Variants in SH3RF2 observed in about 807,000 individuals in gnomAD.
SH3RF2 encodes E3 ubiquitin-protein ligase SH3RF2.
In SH3RF2, 43 loss-of-function variants were observed where a neutral mutation model predicts 59.0. That is an observed-to-expected ratio of 0.73 (90% CI 0.57 to 0.94). The LOEUF (loss-of-function observed/expected upper bound fraction) is 0.94, where lower values mean the gene tolerates loss of function less well. Among genes scored for constraint, SH3RF2 ranks in the 40% least tolerant of loss-of-function variants. The pLI is 0.00. For missense variants in SH3RF2, 930 were observed against 940.1 expected, an observed-to-expected ratio of 0.99 and a Z score of 0.14; for synonymous variants, 391 against 391.5, an observed-to-expected ratio of 1.00 and a Z score of 0.01.
At chr5:146,013,517 G>A (rs1760987362) in intron 4 of SH3RF2, among the ~76,000 whole-genome samples, 1 of 152,188 alleles carries the variant, frequency 6.6e-6, no homozygotes, top group Non-Finnish European at 1.5e-5. Context: ...CTCAGTAAAA[G>A]AGTAATACTT....
At chr5:146,008,095 A>G (rs1192539543) in intron 4 of SH3RF2, among the ~76,000 whole-genome samples, 2 of 152,218 alleles carry the variant, frequency 1.3e-5, no homozygotes, top group Admixed American at 1.3e-4. Flanking sequence ...ACCCGCATTA[A>G]AAGGTGATAA....
At chr5:146,060,479 C>CTATATATATATATAA (rs1762849321) in intron 9 of SH3RF2, among the ~76,000 whole-genome samples, 1 of 151,932 alleles carries the variant, frequency 6.6e-6, no homozygotes, top group Non-Finnish European at 1.5e-5. Flanking sequence ...TTTTGAGGCC[C>CTATATATATATATAA]AAAAGTGGCT....
At chr5:145,948,419 A>G (rs937801458) in intron 2 of SH3RF2, among the ~76,000 whole-genome samples, 3 of 152,222 alleles carry the variant, frequency 2.0e-5, no homozygotes, top group Admixed American at 6.5e-5. Flanking sequence ...TGGCCCCAAC[A>G]CCGCTCGCTT....
intron 2 of SH3RF2, among the ~76,000 whole-genome samples, chr5:145,963,944 T>C (rs1417609384): frequency 1.3e-5 from 2 of 151,626 alleles, no homozygotes; most frequent in East Asian, 3.9e-4. Context: ...GCCATTCTCC[T>C]GCCTCAGCCT....
chr5:145,993,439 C>G (rs1038337892), intron 2 of SH3RF2, among the ~76,000 whole-genome samples: 1 of 152,222 alleles, frequency 6.6e-6, no homozygotes, highest in African/African-American at 2.4e-5. Context: ...ATTGCCCTAG[C>G]AGAGGTTCTC....
At chr5:146,072,652 A>G (rs147550602) in intron 9 of SH3RF2, among the ~76,000 whole-genome samples, 1,919 of 152,274 alleles carry the variant, frequency 0.013, 33 homozygotes, top group African/African-American at 0.042. Flanking sequence ...GCCTGGCAAC[A>G]GAGTGAGACT....
chr5:146,064,785 AAGG>A (rs1289319940), downstream of SH3RF2, among the ~76,000 whole-genome samples: 72 of 11,060 alleles, frequency 6.5e-3, 4 homozygotes, highest in African/African-American at 0.018. Flanking sequence ...GAAAGGAAGG[AAGG>A]AAGGAAGGAA....
At chr5:146,035,707 A>G (rs1761913423) in intron 5 of SH3RF2, among the ~76,000 whole-genome samples, 1 of 152,186 alleles carries the variant, frequency 6.6e-6, no homozygotes, top group African/African-American at 2.4e-5. Context: ...TATCTCCACC[A>G]TAAAAAGCTA....
At chr5:145,958,239 A>G (rs1442022079) in intron 2 of SH3RF2, among the ~76,000 whole-genome samples, 2 of 152,204 alleles carry the variant, frequency 1.3e-5, no homozygotes, top group Non-Finnish European at 2.9e-5. Flanking sequence ...CGTAACATCT[A>G]CTTCAGATGG....
intron 5 of SH3RF2, among the ~76,000 whole-genome samples, chr5:146,024,272 A>G (rs1486908916): frequency 6.6e-6 from 1 of 152,186 alleles, no homozygotes; most frequent in East Asian, 1.9e-4. Context: ...TATTGCAGCC[A>G]TCCAATTGGG....
chr5:145,938,034 T>C lies in SH3RF2; in HGVS notation c.106T>C (p.Cys36Arg), dbSNP rs144648651. 62 of 1,614,198 alleles carry C rather than the reference T, an allele frequency of 3.8e-5. No individual in the cohort carries two copies. The highest frequency in any genetic ancestry group is 1.6e-4 in the African/African-American group (12 of 75,048). ...LPCQHTFCKP[C>R]LQRVFKAHKE... The stretch of plus-strand genomic sequence containing the variant: ...TTGCCAGCACACCTTCTGCAAACCA[T>C]GTCTACAGAGGGTTTTCAAGGCCCA... Residue 36 changes from cysteine (C) to arginine (R), a missense_variant, in exon 2 of 10, where the codon TGT (cysteine) becomes CGT (arginine). Physicochemically the swap from Cys to Arg is radical, Grantham distance 180. Transcript: ENST00000359120.
At chr5:146,010,120 C>G (rs1034907731) in intron 4 of SH3RF2, among the ~76,000 whole-genome samples, 6 of 151,432 alleles carry the variant, frequency 4.0e-5, no homozygotes, top group African/African-American at 1.5e-4. Context: ...TGAGTGAGAA[C>G]ATGCGGTGTT....
rs1013610108 is a variant in SH3RF2, at chr5:146,000,304, C to G, written c.625C>G (p.Gln209Glu). 1.9e-6 allele frequency: 3 copies of G among 1,613,416 alleles called. No homozygotes were observed. Among genetic ancestry groups the G allele is most frequent in the Admixed American group, 1.7e-5 (1 of 59,934 alleles). The stretch of plus-strand genomic sequence containing the variant: ...ACGAGGCAAGGACAAGAGTGAGAAC[C>G]AGGATTGCCTGACCTTCCTCAAGGT... Reference protein sequence around the residue: ...DLRGKDKSENQDCLTFLKDDI... With the variant: ...DLRGKDKSENEDCLTFLKDDI... The change falls in exon 3 of 10, where the codon CAG becomes GAG. Residue 209 changes from glutamine to glutamate, a missense_variant. Gln to Glu is a conservative substitution (Grantham distance 29). Transcript: ENST00000359120.
At chr5:145,967,785 G>T (rs1758914426) in intron 2 of SH3RF2, among the ~76,000 whole-genome samples, 1 of 152,024 alleles carries the variant, frequency 6.6e-6, no homozygotes, top group Admixed American at 6.5e-5. Context: ...TCAGCATCCT[G>T]AGTAGCTGGG....
Position 146,049,108 on chromosome 5 carries a change from A to ACTCAG in SH3RF2, c.1186_1187insTCAGC (p.Pro396LeufsTer98). 2 of 1,613,842 alleles carry ACTCAG rather than the reference A, an allele frequency of 1.2e-6. No individual in the cohort carries two copies. Among genetic ancestry groups the ACTCAG allele is most frequent in the Non-Finnish European group, 1.7e-6 (2 of 1,179,934 alleles). ...CCCTGCACTCCTACTCAGCCCATGG[A>ACTCAG]CCCGATGAGCTGGACCTGCAAAAGG... On this transcript the variant is annotated frameshift_variant, in exon 7 of 10. Transcript: ENST00000359120. LOFTEE classifies it high-confidence loss of function.
chr5:146,018,514 CCACACA>C (rs1429001619), intron 5 of SH3RF2, among the ~76,000 whole-genome samples: 2 of 146,180 alleles, frequency 1.4e-5, no homozygotes, highest in East Asian at 2.1e-4. Flanking sequence ...ATATACACAC[CCACACA>C]CACACACACC....
At chr5:146,008,601 G>T (rs4571521) in intron 4 of SH3RF2, among the ~76,000 whole-genome samples, 85,620 of 151,958 alleles carry the variant, frequency 0.56, 24,796 homozygotes, top group South Asian at 0.79. Context: ...CTGGCACTTC[G>T]AAATAGCAGC....
At chr5:146,064,800 G>GA (rs1347719466), downstream of SH3RF2, among the ~76,000 whole-genome samples, 67 of 32,836 alleles carry the variant, frequency 2.0e-3, no homozygotes, top group African/African-American at 4.1e-3. Context: ...AGGAAGGAAG[G>GA]AAGGAAGGAA....
At chr5:146,042,005 C>CTTGTTAGTTTTGGGGAA (rs1425453379) in intron 5 of SH3RF2, among the ~76,000 whole-genome samples, 1 of 152,130 alleles carries the variant, frequency 6.6e-6, no homozygotes, top group Non-Finnish European at 1.5e-5. Flanking sequence ...GTTCAAGGCC[C>CTTGTTAGTTTTGGGGAA]TTGTTAGTTT....
Sources: allele counts gnomAD v4.1 joint callset (sites outside exome capture counted in the v4.1 genomes callset), GRCh38; gene constraint gnomAD v4.1.1; transcripts MANE v1.5; gene names NCBI Gene and HGNC (gene_info 2026-07-23, HGNC 2026-07-21).